Variants in ATP6V0D1 observed in about 807,000 individuals in gnomAD.
ATP6V0D1 encodes the protein V-type proton ATPase subunit d 1.
A neutral mutation model predicts 39.0 loss-of-function variants in ATP6V0D1; 13 were observed. The observed-to-expected ratio is 0.33, with a 90% confidence interval of 0.22 to 0.53. ATP6V0D1 has a LOEUF of 0.53. Ranked by LOEUF, ATP6V0D1 falls within the 20% of genes least tolerant of loss-of-function variation. ATP6V0D1 has a pLI of 0.94. For missense variants in ATP6V0D1, 272 were observed against 470.9 expected (o/e 0.58, Z 3.91); for synonymous variants, 191 against 191.2 (o/e 1.00, Z 0.01).
rs2040998698 is a variant in ATP6V0D1 at position 67,438,296 on chromosome 16, G to A, written c.*232C>T. ...GCTGAGGGGGCCTCCTTGCTCTGGA[G>A]GGGGTCTTCGTCCATCCTTGGTGGG... On this transcript the variant is annotated 3_prime_UTR_variant, in exon 8 of 8. Transcript: ENST00000290949. The A allele has an allele frequency of 1.0e-5, 6 of 578,060 alleles. No homozygotes were observed. Among genetic ancestry groups the A allele is most frequent in the South Asian group, 2.1e-5 (1 of 48,648 alleles). 35.8% of individuals were successfully genotyped at this position (578,060 alleles called of 1,614,324 possible).
Position 67,452,777 on chromosome 16 carries a change from A to C in ATP6V0D1, c.302+767T>G, listed in dbSNP as rs371116933. Among the ~76,000 whole-genome samples, 18 of 152,182 alleles carry C rather than the reference A, an allele frequency of 1.2e-4. No individual in the cohort carries two copies. The South Asian group carries it at 3.7e-3, about 32-fold the overall frequency. ...CCCTCCCTACCTCCCTGTGCAGTCC[A>C]GGTGCCCTCCCCGTGCAGTCCAGGT... is the stretch of plus-strand genomic sequence containing the variant. On this transcript the variant is annotated intron_variant, in intron 2 of 7. Transcript: ENST00000290949.
rs181542969 is a variant in ATP6V0D1, at chr16:67,443,234, T to C, written c.482-56A>G. ...CAGGTGGCCTAGGCCAGAATCCTGA[T>C]GTTCAAATGCCCTACACGGCACAGA... On this transcript the variant is annotated intron_variant, in intron 3 of 7. Coordinates refer to ENST00000290949, the MANE Select transcript of ATP6V0D1 (RefSeq NM_004691.5). The C allele has an allele frequency of 7.5e-5, 117 of 1,564,466 alleles. No homozygotes were observed. The Middle Eastern group carries it at 1.3e-3, about 17-fold the overall frequency.
intron 1 of ATP6V0D1, chr16:67,454,935 T>G (rs1482895989): frequency 1.3e-5 from 2 of 152,408 alleles, no homozygotes; most frequent in East Asian, 3.9e-4. Flanking sequence ...TTCCTTCAGA[T>G]CTTTCCTCAC....
At chr16:67,449,953 C>G (rs1216028355) in intron 2 of ATP6V0D1, among the ~76,000 whole-genome samples, 2 of 152,208 alleles carry the variant, frequency 1.3e-5, no homozygotes, top group Non-Finnish European at 2.9e-5. Flanking sequence ...AAGCCTGCTC[C>G]AGCCAGCCTG....
chr16:67,451,374 G>A (rs1332478456), intron 2 of ATP6V0D1, among the ~76,000 whole-genome samples: 1 of 152,212 alleles, frequency 6.6e-6, no homozygotes, highest in Non-Finnish European at 1.5e-5. Flanking sequence ...AGACAGAAGG[G>A]GTAGCAGGGG....
intron 1 of ATP6V0D1, among the ~76,000 whole-genome samples, chr16:67,480,458 G>C (rs1392240607): frequency 6.6e-6 from 1 of 152,066 alleles, no homozygotes; most frequent in Non-Finnish European, 1.5e-5. Flanking sequence ...GAAAACCCTC[G>C]ATAAACTGGC....
chr16:67,453,523 G>A lies in ATP6V0D1; in HGVS notation c.302+21C>T. 1 of 1,612,622 alleles carries A rather than the reference G, an allele frequency of 6.2e-7. No homozygotes were observed. Among genetic ancestry groups the A allele is most frequent in the Non-Finnish European group, 8.5e-7 (1 of 1,178,874 alleles). ...CTATCCTGCCCAGGTAAGAGAAGAAGGCGCTACAAAGCACACTCACGTAAT... is the reference window on the plus strand; with the variant it reads ...CTATCCTGCCCAGGTAAGAGAAGAAAGCGCTACAAAGCACACTCACGTAAT... On this transcript the variant is annotated intron_variant, in intron 2 of 7. Transcript: ENST00000290949. This position sits in a 1 kb window ranked among gnomAD's most constrained non-coding sequence, Gnocchi z 4.1.
chr16:67,445,314 G>A (rs1031119827), intron 2 of ATP6V0D1, among the ~76,000 whole-genome samples: 3 of 152,200 alleles, frequency 2.0e-5, no homozygotes, highest in African/African-American at 4.8e-5. Context: ...GGATCTATGA[G>A]CAGGGTGTAA....
chr16:67,466,904 T>C (rs1382611377), intron 1 of ATP6V0D1, among the ~76,000 whole-genome samples: 2 of 152,158 alleles, frequency 1.3e-5, no homozygotes, highest in Non-Finnish European at 2.9e-5. Context: ...AACTGGTCTG[T>C]CTTGCATGAG....
intron 2 of ATP6V0D1, chr16:67,445,931 C>A (rs1421520005): frequency 2.2e-6 from 1 of 455,872 alleles, no homozygotes; most frequent in Non-Finnish European, 4.4e-6. Context: ...TAAATGAGGC[C>A]TAGGGGAAAT....
At chr16:67,463,679 GC>G (rs2041307086) in intron 1 of ATP6V0D1, among the ~76,000 whole-genome samples, 1 of 152,238 alleles carries the variant, frequency 6.6e-6, no homozygotes, top group Non-Finnish European at 1.5e-5. Context: ...CGCTGGCAGA[GC>G]CAAGAGGCTT....
rs564264756 is a variant in ATP6V0D1, at chr16:67,452,553, T to C, written c.302+991A>G. 8.5e-5 allele frequency: 61 copies of C among 720,652 alleles called. No individual in the cohort carries two copies. In the African/African-American group the frequency reaches 8.7e-4, roughly 10 times the overall value. 44.6% of individuals were successfully genotyped at this position (720,652 alleles called of 1,614,324 possible). A position where few individuals can be genotyped will look rare whatever the true frequency, so the allele number is the denominator to read the frequency against. On this transcript the variant is annotated intron_variant, in intron 2 of 7. Coordinates refer to ENST00000290949, the MANE Select transcript of ATP6V0D1 (RefSeq NM_004691.5). ...ACCATAATCAAGGAATGGTAAAAGT[T>C]AGACAATACCCAGAGAGCTCAGGGA... is the stretch of plus-strand genomic sequence containing the variant.
intron 1 of ATP6V0D1, among the ~76,000 whole-genome samples, chr16:67,476,460 T>C (rs1480386660): frequency 6.6e-6 from 1 of 152,204 alleles, no homozygotes; most frequent in East Asian, 1.9e-4. Flanking sequence ...TTTTGGAGGA[T>C]GTCAGTGAAA....
At chr16:67,475,995 C>T (rs1444643505) in intron 1 of ATP6V0D1, among the ~76,000 whole-genome samples, 2 of 152,008 alleles carry the variant, frequency 1.3e-5, no homozygotes, top group African/African-American at 2.4e-5. Flanking sequence ...TTTGGGAGGC[C>T]GAGGTGGGTG....
chr16:67,462,396 A>G (rs1162884865), intron 1 of ATP6V0D1, among the ~76,000 whole-genome samples: 1 of 152,258 alleles, frequency 6.6e-6, no homozygotes, highest in Non-Finnish European at 1.5e-5. Flanking sequence ...TGGATCTGGA[A>G]CTGTGAAGAA....
intron 1 of ATP6V0D1, among the ~76,000 whole-genome samples, chr16:67,461,059 G>C (rs2041285779): frequency 6.6e-6 from 1 of 152,220 alleles, no homozygotes; most frequent in Non-Finnish European, 1.5e-5. Flanking sequence ...GGTTTACAGA[G>C]AGCTGAGCAC....
At chr16:67,468,543 G>C (rs2142329469) in intron 1 of ATP6V0D1, among the ~76,000 whole-genome samples, 1 of 150,544 alleles carries the variant, frequency 6.6e-6, no homozygotes, top group East Asian at 2.0e-4. Flanking sequence ...AGTTGTGTTT[G>C]GGTCACTGTA....
rs2041090433 is a variant in ATP6V0D1 at position 67,444,392 on chromosome 16, G to A, written c.481+136C>T. ...AGAGAATCGGAGGAGGAAGTTGAAG[G>A]GAGACAAAGGTAAGCAGCAGTGGGC... On this transcript the variant is annotated intron_variant, in intron 3 of 7. Coordinates refer to ENST00000290949, the MANE Select transcript of ATP6V0D1 (RefSeq NM_004691.5). This position sits in a 1 kb window ranked among gnomAD's most constrained non-coding sequence, Gnocchi z 4.8. 17 of 896,260 alleles carry A rather than the reference G, an allele frequency of 1.9e-5. No individual in the cohort carries two copies. Among genetic ancestry groups the A allele is most frequent in the Non-Finnish European group, 2.8e-5 (17 of 611,304 alleles). The allele number at this position is 896,260 out of a possible 1,614,324, so 55.5% of individuals were successfully genotyped here.
intron 2 of ATP6V0D1, chr16:67,445,920 C>A (rs1247810540): frequency 2.6e-5 from 12 of 455,740 alleles, no homozygotes; most frequent in Admixed American, 7.1e-5. Context: ...TATGAGGGAG[C>A]TAAATGAGGC....
Sources: allele counts gnomAD v4.1 joint callset (sites outside exome capture counted in the v4.1 genomes callset), GRCh38; gene constraint gnomAD v4.1.1; non-coding constraint Gnocchi (gnomAD v3.1); transcripts MANE v1.5; gene names NCBI Gene and HGNC (gene_info 2026-07-23, HGNC 2026-07-21).